The following AKAP19 variants were observed in gnomAD, a reference collection of about 807,000 sequenced individuals.
The protein encoded by AKAP19 is small A-kinase anchoring protein.
chr2:189,942,988 G>T, the AKAP19 span, among the ~76,000 whole-genome samples: 1 of 152,232 alleles, frequency 6.6e-6, no homozygotes, highest in African/African-American at 2.4e-5. Flanking sequence ...TGAAAAATTT[G>T]CATGCTGGCC....
chr2:190,201,279 T>C, the AKAP19 span: 6 of 166,806 alleles, frequency 3.6e-5, no homozygotes, highest in African/African-American at 1.4e-4. Flanking sequence ...CACACACACC[T>C]TTTTGTTTTA....
At chr2:189,901,690 A>G in the AKAP19 span, among the ~76,000 whole-genome samples, 1 of 152,228 alleles carries the variant, frequency 6.6e-6, no homozygotes, top group South Asian at 2.1e-4. Context: ...TGGTATAAGA[A>G]GGAACATGGG....
At chr2:189,999,813 T>C in the AKAP19 span, among the ~76,000 whole-genome samples, 1 of 152,206 alleles carries the variant, frequency 6.6e-6, no homozygotes, top group African/African-American at 2.4e-5. Flanking sequence ...ATTCTTGGTT[T>C]ATTACTATTC....
chr2:189,915,955 C>G, the AKAP19 span, among the ~76,000 whole-genome samples: 1 of 152,030 alleles, frequency 6.6e-6, no homozygotes, highest in African/African-American at 2.4e-5. Flanking sequence ...TTATTAGTGT[C>G]TCCATCAAAA....
At chr2:190,106,124 A>G in the AKAP19 span, among the ~76,000 whole-genome samples, 1 of 152,212 alleles carries the variant, frequency 6.6e-6, no homozygotes, top group African/African-American at 2.4e-5. Flanking sequence ...TTTGTTTCTT[A>G]TTTATAAGGC....
chr2:189,932,065 G>A, the AKAP19 span, among the ~76,000 whole-genome samples: 1 of 152,148 alleles, frequency 6.6e-6, no homozygotes, highest in Non-Finnish European at 1.5e-5. Context: ...ATCGTGTTTA[G>A]TTGTCATGGC....
At chr2:190,108,313 G>A in the AKAP19 span, among the ~76,000 whole-genome samples, 5 of 152,012 alleles carry the variant, frequency 3.3e-5, no homozygotes, top group Admixed American at 6.6e-5. Flanking sequence ...GCACCAACAC[G>A]CCCGGCTAAT....
chr2:189,958,188 TAAG>T, the AKAP19 span, among the ~76,000 whole-genome samples: 2 of 152,254 alleles, frequency 1.3e-5, no homozygotes, highest in African/African-American at 4.8e-5. Flanking sequence ...TATAAGTTAG[TAAG>T]AAGATGAGCA....
chr2:189,920,137 G>C, the AKAP19 span, among the ~76,000 whole-genome samples: 2 of 152,114 alleles, frequency 1.3e-5, no homozygotes, highest in Non-Finnish European at 2.9e-5. Context: ...TTTGGTTCTG[G>C]TAACACCCCA....
chr2:189,950,488 T>C, the AKAP19 span, among the ~76,000 whole-genome samples: 4 of 152,032 alleles, frequency 2.6e-5, no homozygotes, highest in Admixed American at 2.6e-4. Context: ...AGACCAGGCT[T>C]ATCTTAGTCT....
the AKAP19 span, among the ~76,000 whole-genome samples, chr2:190,142,755 G>A: frequency 6.6e-6 from 1 of 152,234 alleles, no homozygotes; most frequent in Non-Finnish European, 1.5e-5. Context: ...TGCAGCCACT[G>A]TGCAGGCTCT....
chr2:189,912,021 A>G, the AKAP19 span, among the ~76,000 whole-genome samples: 1 of 152,082 alleles, frequency 6.6e-6, no homozygotes, highest in Non-Finnish European at 1.5e-5. Flanking sequence ...AGTTATGGCA[A>G]CAATTGAACA....
the AKAP19 span, among the ~76,000 whole-genome samples, chr2:190,038,678 A>T: frequency 6.6e-6 from 1 of 152,142 alleles, no homozygotes. Flanking sequence ...AGGAAAAAAA[A>T]TTGATATTAT....
chr2:189,890,743 C>G, the AKAP19 span, among the ~76,000 whole-genome samples: 2 of 152,084 alleles, frequency 1.3e-5, no homozygotes, highest in Non-Finnish European at 1.5e-5. Flanking sequence ...GATGGCAACC[C>G]CTGCCTTTTT....
At chr2:190,002,455 A>G in the AKAP19 span, among the ~76,000 whole-genome samples, 4 of 152,196 alleles carry the variant, frequency 2.6e-5, no homozygotes, top group Non-Finnish European at 4.4e-5. Context: ...TTAAGAATTC[A>G]TGGTTGCAGC....
chr2:190,152,656 G>A, the AKAP19 span, among the ~76,000 whole-genome samples: 1 of 152,062 alleles, frequency 6.6e-6, no homozygotes, highest in Non-Finnish European at 1.5e-5. Context: ...GGTTTGTCTA[G>A]TTCCAGGAAA....
the AKAP19 span, among the ~76,000 whole-genome samples, chr2:189,938,347 A>T: frequency 3.3e-5 from 5 of 152,104 alleles, no homozygotes; most frequent in African/African-American, 1.2e-4. Context: ...AAAAAAAAAA[A>T]AAAAAGAAAG....
the AKAP19 span, among the ~76,000 whole-genome samples, chr2:189,987,156 T>A: frequency 6.6e-6 from 1 of 152,148 alleles, no homozygotes; most frequent in Admixed American, 6.6e-5. Flanking sequence ...GGAAGGTAAT[T>A]GAATCATGGG....
the AKAP19 span, among the ~76,000 whole-genome samples, chr2:190,009,521 C>T: frequency 6.6e-6 from 1 of 152,154 alleles, no homozygotes; most frequent in African/African-American, 2.4e-5. Context: ...AATGGAGTTG[C>T]TATCAACTGA....
Sources: allele counts gnomAD v4.1 joint callset (sites outside exome capture counted in the v4.1 genomes callset), GRCh38; gene constraint gnomAD v4.1.1; transcripts MANE v1.5; gene names NCBI Gene and HGNC (gene_info 2026-07-23, HGNC 2026-07-21).